Variants in PTPRN2 observed in about 807,000 individuals in gnomAD.
The protein encoded by PTPRN2 is receptor-type tyrosine-protein phosphatase N2.
In PTPRN2, 74 loss-of-function variants were observed where a neutral mutation model predicts 118.8. The observed-to-expected ratio is 0.62, with a 90% confidence interval of 0.52 to 0.76. The LOEUF (loss-of-function observed/expected upper bound fraction) is 0.76. PTPRN2 is among the 30% of genes least tolerant of loss of function. The pLI is 0.00. For missense variants in PTPRN2, 1,481 were observed against 1,394.4 expected (o/e 1.06, Z -0.99); for synonymous variants, 641 against 608.0 (o/e 1.05, Z -0.80).
At chr7:158,054,191 T>C (rs1399781005) in intron 11 of PTPRN2, among the ~76,000 whole-genome samples, 2 of 152,182 alleles carry the variant, frequency 1.3e-5, no homozygotes, top group Non-Finnish European at 2.9e-5. Context: ...AAAGTTACTA[T>C]TCTGATTAGG....
intron 3 of PTPRN2, among the ~76,000 whole-genome samples, chr7:158,294,384 G>A (rs777955552): frequency 6.6e-6 from 1 of 152,156 alleles, no homozygotes; most frequent in African/African-American, 2.4e-5. Flanking sequence ...AATTACATGA[G>A]AGTTTGTTGT....
chr7:158,340,815 T>C (rs62493620), intron 2 of PTPRN2, among the ~76,000 whole-genome samples: 43 of 16,092 alleles, frequency 2.7e-3, no homozygotes, highest in East Asian at 6.4e-3. Context: ...CACCCACACA[T>C]GTCACTCACA....
chr7:158,205,633 G>A (rs753214017), intron 3 of PTPRN2, among the ~76,000 whole-genome samples: 1 of 152,178 alleles, frequency 6.6e-6, no homozygotes, highest in Non-Finnish European at 1.5e-5. Context: ...CAGGTGAGTG[G>A]TCACAGTACC....
At chr7:157,701,452 T>C (rs1798061866) in intron 12 of PTPRN2, among the ~76,000 whole-genome samples, 5 of 152,224 alleles carry the variant, frequency 3.3e-5, no homozygotes, top group Non-Finnish European at 7.3e-5. Context: ...GTCTTTATTC[T>C]CTATTTTCCA....
At chr7:157,849,473 C>T (rs531914851) in intron 12 of PTPRN2, among the ~76,000 whole-genome samples, 2 of 152,312 alleles carry the variant, frequency 1.3e-5, no homozygotes, top group African/African-American at 4.8e-5. Flanking sequence ...TGTACCCTTC[C>T]CGAGATGCTG....
At chr7:157,642,063 TCTC>T (rs1311041573) in intron 14 of PTPRN2, among the ~76,000 whole-genome samples, 1 of 151,984 alleles carries the variant, frequency 6.6e-6, no homozygotes, top group African/African-American at 2.4e-5. Flanking sequence ...CCACCTCAAG[TCTC>T]CTCTGTAGCC....
intron 12 of PTPRN2, among the ~76,000 whole-genome samples, chr7:157,839,730 C>A (rs924071462): frequency 5.3e-5 from 8 of 151,214 alleles, no homozygotes; most frequent in African/African-American, 1.9e-4. Context: ...GACTGTGTGA[C>A]TGTGTGGCTG....
intron 13 of PTPRN2, among the ~76,000 whole-genome samples, chr7:157,661,238 T>C (rs1488518356): frequency 4.6e-5 from 7 of 152,252 alleles, no homozygotes; most frequent in Non-Finnish European, 8.8e-5. Flanking sequence ...TTGAAGGTCT[T>C]AACTTTTTCA....
chr7:158,153,633 G>T lies in PTPRN2; in HGVS notation c.910+13298C>A, dbSNP rs560505436. ...CGTTTCAACAGGACACGGAGGGAGAGGAGTGGTGGGTGGGGGTGCCACAGA... is the reference window on the plus strand; with the variant it reads ...CGTTTCAACAGGACACGGAGGGAGATGAGTGGTGGGTGGGGGTGCCACAGA... On this transcript the variant is annotated intron_variant, in intron 6 of 22. Coordinates refer to ENST00000389418, the MANE Select transcript of PTPRN2 (RefSeq NM_002847.5). 2.0e-5 allele frequency among the ~76,000 whole-genome samples: 3 copies of T among 152,374 alleles called. No homozygotes were observed. In the South Asian group the frequency reaches 6.2e-4, roughly 32 times the overall value.
At position 158,546,815 on chromosome 7, in the gene PTPRN2, G is replaced by A. The variant is rs1193152611; in HGVS notation, c.112+40743C>T. Among the ~76,000 whole-genome samples, 1 of 152,234 alleles carries A rather than the reference G, an allele frequency of 6.6e-6. No individual in the cohort carries two copies. Among genetic ancestry groups the A allele is most frequent in the Non-Finnish European group, 1.5e-5 (1 of 68,042 alleles). On this transcript the variant is annotated intron_variant, in intron 1 of 22. Transcript: ENST00000389418. This position sits in a 1 kb window ranked among gnomAD's most constrained non-coding sequence, Gnocchi z 5.0. ...CTCACGTATGCACCAACATGCAGAT[G>A]CACACACAGGGCATGGGCACTCCAG... is the stretch of plus-strand genomic sequence containing the variant.
At chr7:158,197,054 G>A (rs1227220133) in intron 4 of PTPRN2, among the ~76,000 whole-genome samples, 1 of 152,174 alleles carries the variant, frequency 6.6e-6, no homozygotes, top group Non-Finnish European at 1.5e-5. Context: ...GTGTGCATGT[G>A]TATCTCCTTT....
At chr7:157,994,393 A>G (rs989891713) in intron 11 of PTPRN2, among the ~76,000 whole-genome samples, 10 of 151,890 alleles carry the variant, frequency 6.6e-5, no homozygotes, top group African/African-American at 2.4e-4. Flanking sequence ...TTAGACAAGG[A>G]CAGAGACCAG....
intron 4 of PTPRN2, among the ~76,000 whole-genome samples, chr7:158,202,026 G>A (rs1469555666): frequency 6.6e-6 from 1 of 152,122 alleles, no homozygotes; most frequent in Non-Finnish European, 1.5e-5. Context: ...ATCAACAAGA[G>A]AATAGCATCC....
chr7:158,511,938 C>T (rs1823208177), intron 1 of PTPRN2, among the ~76,000 whole-genome samples: 1 of 152,034 alleles, frequency 6.6e-6, no homozygotes, highest in East Asian at 1.9e-4. Context: ...TTTTTTAGGG[C>T]AGTGAGGCTA....
At chr7:158,308,619 T>C (rs908561784) in intron 3 of PTPRN2, among the ~76,000 whole-genome samples, 1 of 151,372 alleles carries the variant, frequency 6.6e-6, no homozygotes, top group Non-Finnish European at 1.5e-5. Flanking sequence ...TGACAGAGAG[T>C]GTTTGAAAAT....
At chr7:157,691,654 G>A (rs1027105095) in intron 12 of PTPRN2, among the ~76,000 whole-genome samples, 1 of 152,212 alleles carries the variant, frequency 6.6e-6, no homozygotes. Flanking sequence ...ACCCAGGCGT[G>A]CGAGCTGCGT....
chr7:157,932,748 G>A (rs1179539125), intron 11 of PTPRN2, among the ~76,000 whole-genome samples: 1 of 149,776 alleles, frequency 6.7e-6, no homozygotes, highest in Non-Finnish European at 1.5e-5. Flanking sequence ...AGTTTTAGAG[G>A]AGGGGTGAGT....
In PTPRN2 at chr7:158,040,736, C is replaced by CTTTTTTTTTTTTTTTTTTTTTTTTTTTTT; in HGVS notation, c.1723+40561_1723+40562insAAAAAAAAAAAAAAAAAAAAAAAAAAAAA. Among the ~76,000 whole-genome samples the CTTTTTTTTTTTTTTTTTTTTTTTTTTTTT allele has an allele frequency of 1.4e-5, 2 of 142,206 alleles. 1 individual carries two copies. Among genetic ancestry groups the CTTTTTTTTTTTTTTTTTTTTTTTTTTTTT allele is most frequent in the Non-Finnish European group, 3.0e-5 (2 of 65,914 alleles). 93.3% of individuals were successfully genotyped at this position (142,206 alleles called of 152,430 possible). On this transcript the variant is annotated intron_variant, in intron 11 of 22. Coordinates refer to ENST00000389418, the MANE Select transcript of PTPRN2 (RefSeq NM_002847.5). ...TTGATCTGCCTTTCTTTTTTTCTTT[C>CTTTTTTTTTTTTTTTTTTTTTTTTTTTTT]TTTTTTTTTTTTTTGAGATGGAATC...
rs556851815 is a variant in PTPRN2, at chr7:157,636,121, C to T, written c.2197-14612G>A. Among the ~76,000 whole-genome samples, 3 of 152,260 alleles carry T rather than the reference C, an allele frequency of 2.0e-5. No individual in the cohort carries two copies. The South Asian group carries it at 6.2e-4, about 32-fold the overall frequency. ...TAATCCCCTTTCATTTAAAACTCTG[C>T]TGATAAAATTCTTTGCTTGTCATTC... On this transcript the variant is annotated intron_variant, in intron 14 of 22. Transcript: ENST00000389418.
Sources: gnomAD v4.1 joint callset for allele counts (sites outside exome capture counted in the v4.1 genomes callset) on GRCh38, gnomAD v4.1.1 for gene constraint, Gnocchi (gnomAD v3.1) non-coding constraint, MANE v1.5 for transcripts, NCBI Gene and HGNC (gene_info 2026-07-23, HGNC 2026-07-21) for gene names.